CUX2: variants seen among roughly 807,000 people sequenced by gnomAD.
The protein encoded by CUX2 is cut like homeobox 2, also known as homeobox protein cut-like 2.
A neutral mutation model predicts 144.8 loss-of-function variants in CUX2; 40 were observed. That is an observed-to-expected ratio of 0.28 (90% CI 0.21 to 0.36). The LOEUF is 0.36. CUX2 is among the 10% of genes least tolerant of loss of function. The pLI is 1.00. For missense variants in CUX2, 1,615 were observed against 1,994.0 expected, an observed-to-expected ratio of 0.81 and a Z score of 3.62; for synonymous variants, 827 against 875.6, an observed-to-expected ratio of 0.94 and a Z score of 0.98.
chr12:111,232,903 C>T (rs1052328345), intron 3 of CUX2, among the ~76,000 whole-genome samples: 3 of 152,130 alleles, frequency 2.0e-5, no homozygotes, highest in South Asian at 2.1e-4. Flanking sequence ...GACCCTTTCG[C>T]GGGAAGACAG....
At chr12:111,090,304 C>G (rs1258447444) in intron 1 of CUX2, among the ~76,000 whole-genome samples, 2 of 152,226 alleles carry the variant, frequency 1.3e-5, no homozygotes, top group African/African-American at 4.8e-5. Context: ...AATGGAGTCT[C>G]TCGCTCTGGA....
chr12:111,263,911 A>G lies in CUX2; in HGVS notation c.301+72A>G. The G allele has an allele frequency of 7.1e-7, 1 of 1,414,148 alleles. No homozygotes were observed. Among genetic ancestry groups the G allele is most frequent in the Non-Finnish European group, 1.0e-6 (1 of 998,836 alleles). The allele number at this position is 1,414,148 out of a possible 1,614,324, so 87.6% of individuals were successfully genotyped here. On this transcript the variant is annotated intron_variant, in intron 4 of 21. Transcript: ENST00000261726. The surrounding 1 kb of genome is among the most constrained non-coding windows in gnomAD (Gnocchi z 4.0). ...TAGCCATTAGGACTGTGACACAGGG[A>G]CTTTGAGGTGGGATGTGGGGACATG...
rs57399244 is a variant in CUX2, at chr12:111,167,702, G to GTTTGTTTGTTTT, written c.64-46495_64-46494insGTTTGTTTTTTT. On this transcript the variant is annotated intron_variant, in intron 1 of 21. Coordinates refer to ENST00000261726, the MANE Select transcript of CUX2 (RefSeq NM_015267.4). The stretch of plus-strand genomic sequence containing the variant: ...TGTTTGTTTGTTTGTTTGTTTGTTT[G>GTTTGTTTGTTTT]TTTCTTTTTTGAGATGGAGTCTTGC... Among the ~76,000 whole-genome samples, 11 of 142,426 alleles carry GTTTGTTTGTTTT rather than the reference G, an allele frequency of 7.7e-5. 2 individuals carry two copies. The highest frequency in any genetic ancestry group is 6.6e-4 in the East Asian group (3 of 4,578). 93.4% of individuals were successfully genotyped at this position (142,426 alleles called of 152,430 possible). A position where few individuals can be genotyped will look rare whatever the true frequency, so the allele number is the denominator to read the frequency against.
chr12:111,199,786 CTGTGTGTTTG>C (rs1880463814), intron 1 of CUX2, among the ~76,000 whole-genome samples: 2 of 151,728 alleles, frequency 1.3e-5, no homozygotes, highest in South Asian at 2.1e-4. Context: ...ACGTGTGTTT[CTGTGTGTTTG>C]TGTGTTACAT....
chr12:111,342,306 C>T (rs527990885), intron 21 of CUX2, among the ~76,000 whole-genome samples: 33 of 152,034 alleles, frequency 2.2e-4, no homozygotes, highest in African/African-American at 7.5e-4. Flanking sequence ...AGGGAGACCT[C>T]GTCTCTACAA....
chr12:111,342,585 T>C (rs1474395721), intron 21 of CUX2, among the ~76,000 whole-genome samples: 1 of 152,150 alleles, frequency 6.6e-6, no homozygotes, highest in South Asian at 2.1e-4. Context: ...TTCTAACCTG[T>C]AAAATGGGGT....
chr12:111,108,224 C>T (rs1279359629), intron 1 of CUX2, among the ~76,000 whole-genome samples: 1 of 152,092 alleles, frequency 6.6e-6, no homozygotes, highest in South Asian at 2.1e-4. Flanking sequence ...ATGTTGTGTC[C>T]TTCTCCATGC....
In CUX2 at chr12:111,295,285, C is replaced by A; in HGVS notation, c.561-48C>A. ...TGGGGCTCGACTCGGGGGCCCCAGGCAAGGCCTGTCCCTGCAGCCAGCACA... is the reference window on the plus strand; with the variant it reads ...TGGGGCTCGACTCGGGGGCCCCAGGAAAGGCCTGTCCCTGCAGCCAGCACA... On this transcript the variant is annotated intron_variant, in intron 6 of 21. Coordinates refer to ENST00000261726, the MANE Select transcript of CUX2 (RefSeq NM_015267.4). This position sits in a 1 kb window ranked among gnomAD's most constrained non-coding sequence, Gnocchi z 5.0. 1 of 1,590,954 alleles carries A rather than the reference C, an allele frequency of 6.3e-7. No individual in the cohort carries two copies. The highest frequency in any genetic ancestry group is 8.6e-7 in the Non-Finnish European group (1 of 1,168,000).
In CUX2 at chr12:111,063,576, C is replaced by T. The variant is rs568620048; in HGVS notation, c.63+29336C>T. On this transcript the variant is annotated intron_variant, in intron 1 of 21. Transcript: ENST00000261726. Reference sequence around the variant, plus strand: ...GGCCTGCACTTTGAGATACGGTGGGCTTCCGTTTTAGATCAGTCTGGTGCT... The same window carrying T: ...GGCCTGCACTTTGAGATACGGTGGGTTTCCGTTTTAGATCAGTCTGGTGCT... 7.2e-5 allele frequency among the ~76,000 whole-genome samples: 11 copies of T among 152,314 alleles called. No homozygotes were observed. In the South Asian group the frequency reaches 2.3e-3, roughly 32 times the overall value.
intron 3 of CUX2, among the ~76,000 whole-genome samples, chr12:111,256,984 T>C (rs1367665639): frequency 6.6e-6 from 1 of 152,114 alleles, no homozygotes; most frequent in South Asian, 2.1e-4. Flanking sequence ...TTTAACCACC[T>C]GGCTGAAAAG....
rs565902233 is a variant in CUX2 at position 111,259,602 on chromosome 12, A to G, written c.223-4159A>G. 3.2e-4 allele frequency among the ~76,000 whole-genome samples: 48 copies of G among 152,242 alleles called. No homozygotes were observed. In the South Asian group the frequency reaches 1.0e-2, roughly 32 times the overall value. On this transcript the variant is annotated intron_variant, in intron 3 of 21. Transcript: ENST00000261726. ...AGTGTAGCTGGACGCAGTGCCTCACACCTGTATTCCCATCACTTTGGGAGG... is the reference window on the plus strand; with the variant it reads ...AGTGTAGCTGGACGCAGTGCCTCACGCCTGTATTCCCATCACTTTGGGAGG...
In CUX2 at chr12:111,291,428, T is replaced by A. The variant is rs1397144680; in HGVS notation, c.312T>A (p.Pro104=). The A allele has an allele frequency of 2.5e-6, 4 of 1,609,944 alleles. No homozygotes were observed. In the Admixed American group the frequency reaches 6.7e-5, roughly 27 times the overall value. ...KQLIEAPDPV[P]VFEAARSLDD... is the part of the protein sequence containing the mutation. ...TCTCTCCCTGCACAGACCCCGTGCC[T>A]GTGTTTGAGGCGGCACGCAGCCTAG... The change falls in exon 5 of 22, where the codon CCT becomes CCA. Residue 104 remains proline, a synonymous_variant. Transcript: ENST00000261726.
intron 1 of CUX2, among the ~76,000 whole-genome samples, chr12:111,045,368 T>C (rs1869948846): frequency 6.6e-6 from 1 of 152,194 alleles, no homozygotes; most frequent in African/African-American, 2.4e-5. Flanking sequence ...CAGCCCCAGC[T>C]ATGTGTCCCA....
At position 111,308,309 on chromosome 12, in the gene CUX2, C is replaced by G. The variant is rs749050970; in HGVS notation, c.1134C>G (p.Ala378=). 6.2e-7 allele frequency: 1 copy of G among 1,614,052 alleles called. No homozygotes were observed. Among genetic ancestry groups the G allele is most frequent in the African/African-American group, 1.3e-5 (1 of 74,906 alleles). ...ELSILKAMKL[A]SSTCSLPQGM... ...GCATCCTGAAAGCCATGAAGCTGGC[C>G]TCCAGCACCTGCAGCCTCCCCCAGG... The change falls in exon 13 of 22, where the codon GCC becomes GCG. Residue 378 remains alanine, a synonymous_variant. Transcript: ENST00000261726.
At chr12:111,092,973 G>A (rs902403146) in intron 1 of CUX2, among the ~76,000 whole-genome samples, 2 of 151,970 alleles carry the variant, frequency 1.3e-5, no homozygotes, top group Non-Finnish European at 1.5e-5. Flanking sequence ...ATGCCAACAA[G>A]CTCAGCTAAT....
intron 1 of CUX2, among the ~76,000 whole-genome samples, chr12:111,071,638 T>C (rs1871256542): frequency 1.3e-5 from 2 of 152,228 alleles, no homozygotes; most frequent in African/African-American, 4.8e-5. Context: ...TATCAAGAAT[T>C]TATTTGCTTT....
rs1180487018 is a variant in CUX2 at position 111,349,561 on chromosome 12, A to G, written c.*1236A>G. 6.6e-6 allele frequency: 1 copy of G among 152,262 alleles called. No homozygotes were observed. The highest frequency in any genetic ancestry group is 1.5e-5 in the Non-Finnish European group (1 of 68,066). 9.4% of individuals were successfully genotyped at this position (152,262 alleles called of 1,614,324 possible). On this transcript the variant is annotated 3_prime_UTR_variant, in exon 22 of 22. Coordinates refer to ENST00000261726, the MANE Select transcript of CUX2 (RefSeq NM_015267.4). The stretch of plus-strand genomic sequence containing the variant: ...TGCAGAACTCTGGAAGGCCAAGTTC[A>G]TCGCAGCATGTTCACCATATCCCAG...
chr12:111,331,891 C>G (rs1888133285), intron 18 of CUX2, among the ~76,000 whole-genome samples: 1 of 151,914 alleles, frequency 6.6e-6, no homozygotes, highest in Non-Finnish European at 1.5e-5. Context: ...ACCAGCCTGG[C>G]CAATATGGCG....
intron 18 of CUX2, among the ~76,000 whole-genome samples, chr12:111,331,665 T>C (rs562907013): frequency 5.9e-5 from 9 of 152,152 alleles, no homozygotes; most frequent in African/African-American, 2.2e-4. Context: ...ACGTGTCTTA[T>C]GGCCCCATTT....
Sources: allele counts gnomAD v4.1 joint callset (sites outside exome capture counted in the v4.1 genomes callset), GRCh38; gene constraint gnomAD v4.1.1; non-coding constraint Gnocchi (gnomAD v3.1); transcripts MANE v1.5; gene names NCBI Gene and HGNC (gene_info 2026-07-23, HGNC 2026-07-21).